RAB5C: variants seen among roughly 807,000 people sequenced by gnomAD.
The protein encoded by RAB5C is RAB5C, member RAS oncogene family.
In RAB5C, 4 loss-of-function variants were observed where a neutral mutation model predicts 25.2. The observed-to-expected ratio is 0.16, with a 90% confidence interval of 0.08 to 0.36. The LOEUF is 0.36. RAB5C is among the 10% of genes least tolerant of loss of function. The pLI, the probability that RAB5C is intolerant of heterozygous loss-of-function variation, is 1.00. For missense variants in RAB5C, 199 were observed against 283.8 expected (o/e 0.70, Z 2.15); for synonymous variants, 100 against 106.4 (o/e 0.94, Z 0.37).
chr17:42,126,238 T>C (rs886253886), intron 5 of RAB5C, among the ~76,000 whole-genome samples: 5 of 151,984 alleles, frequency 3.3e-5, no homozygotes, highest in African/African-American at 1.2e-4. Flanking sequence ...GAGTGAAATG[T>C]TGAGACTCTG....
intron 1 of RAB5C, among the ~76,000 whole-genome samples, chr17:42,136,075 GCAAAA>G (rs1406611188): frequency 6.6e-6 from 1 of 152,100 alleles, no homozygotes. Context: ...CAAGAGTCCA[GCAAAA>G]CAAAACAAAA....
chr17:42,140,507 ATATATATATTTTTTTTTT>A (rs1422133486), intron 1 of RAB5C, among the ~76,000 whole-genome samples: 70 of 40,776 alleles, frequency 1.7e-3, no homozygotes, highest in African/African-American at 0.011. Flanking sequence ...ATATATATAT[ATATATATATTTTTTTTTT>A]TTTTTTTTTT....
intron 1 of RAB5C, among the ~76,000 whole-genome samples, chr17:42,144,590 G>A (rs2079620922): frequency 6.6e-6 from 1 of 152,012 alleles, no homozygotes; most frequent in Admixed American, 6.6e-5. Context: ...GAAACGGGTG[G>A]ATCACGAGGT....
At chr17:42,129,568 T>C (rs540412907) in intron 2 of RAB5C, among the ~76,000 whole-genome samples, 2 of 152,246 alleles carry the variant, frequency 1.3e-5, no homozygotes, top group East Asian at 3.9e-4. Flanking sequence ...AGGACAGCCA[T>C]GTGTAGAAGG....
chr17:42,133,923 C>T (rs1379703105), intron 1 of RAB5C, among the ~76,000 whole-genome samples: 1 of 152,202 alleles, frequency 6.6e-6, no homozygotes, highest in African/African-American at 2.4e-5. Flanking sequence ...CATGAACTAG[C>T]TGGTGACATG....
intron 4 of RAB5C, among the ~76,000 whole-genome samples, chr17:42,127,866 G>T (rs2144060927): frequency 6.8e-6 from 1 of 147,110 alleles, no homozygotes; most frequent in Admixed American, 6.9e-5. Context: ...CCTCACTCTT[G>T]CTCAGGCTGG....
chr17:42,128,547 G>T, intron 3 of RAB5C, 102 bp downstream of exon 3: 1 of 1,295,430 alleles, frequency 7.7e-7, no homozygotes, highest in Non-Finnish European at 1.0e-6. Context: ...CCCCCACCCA[G>T]GAACAGAGGG....
chr17:42,153,055 A>G (rs1468116046), intron 1 of RAB5C, among the ~76,000 whole-genome samples: 1 of 152,210 alleles, frequency 6.6e-6, no homozygotes, highest in African/African-American at 2.4e-5. Flanking sequence ...GAACCCACAC[A>G]GATACAGAGC....
chr17:42,125,621 C>G lies in RAB5C; in HGVS notation c.*162G>C, dbSNP rs910708742. Reference sequence around the variant, plus strand: ...GTACAGAAAGGTGCAGGTGGAATGACTCACTCCGGCCTATGATCAAAATTA... The same window carrying G: ...GTACAGAAAGGTGCAGGTGGAATGAGTCACTCCGGCCTATGATCAAAATTA... On this transcript the variant is annotated 3_prime_UTR_variant, in exon 6 of 6. Transcript: ENST00000346213. 4.2e-5 allele frequency: 25 copies of G among 590,248 alleles called. 1 individual carries two copies. The highest frequency in any genetic ancestry group is 1.8e-4 in the Admixed American group (6 of 33,494). 36.6% of individuals were successfully genotyped at this position (590,248 alleles called of 1,614,324 possible).
At position 42,125,389 on chromosome 17, in the gene RAB5C, T is replaced by C. The variant is rs1171086459; in HGVS notation, c.*394A>G. On this transcript the variant is annotated 3_prime_UTR_variant, in exon 6 of 6. Transcript: ENST00000346213. ...GAACAAAGTGAGGATGTGGATGCTCTTGCTGGGTCCGCTGTTCCGCAGGAG... is the reference window on the plus strand; with the variant it reads ...GAACAAAGTGAGGATGTGGATGCTCCTGCTGGGTCCGCTGTTCCGCAGGAG... 2 of 164,436 alleles carry C rather than the reference T, an allele frequency of 1.2e-5. No individual in the cohort carries two copies. The highest frequency in any genetic ancestry group is 4.8e-5 in the African/African-American group (2 of 41,646). 10.2% of individuals were successfully genotyped at this position (164,436 alleles called of 1,614,324 possible). A position where few individuals can be genotyped will look rare whatever the true frequency, so the allele number is the denominator to read the frequency against.
chr17:42,125,781 G>C lies in RAB5C; in HGVS notation c.*2C>G, dbSNP rs782376759. The C allele has an allele frequency of 6.3e-7, 1 of 1,595,538 alleles. No individual in the cohort carries two copies. Among genetic ancestry groups the C allele is most frequent in the Admixed American group, 1.7e-5 (1 of 57,660 alleles). ...CGGGGGCAGCGGGCAGGCAAGGGGG[G>C]CTCAGTTGCTGCAGCACTGGCTCCG... is the stretch of plus-strand genomic sequence containing the variant. On this transcript the variant is annotated 3_prime_UTR_variant, in exon 6 of 6. Transcript: ENST00000346213.
At chr17:42,128,441 C>A (rs2054450857) in intron 3 of RAB5C, 58 bp from the exon 4 acceptor site, 1 of 1,555,520 alleles carries the variant, frequency 6.4e-7, no homozygotes. Context: ...CCCAGGGCCA[C>A]CCATTAGAGA....
At chr17:42,130,705 C>A in intron 1 of RAB5C, 115 bp from the exon 2 acceptor site, 1 of 1,318,322 alleles carries the variant, frequency 7.6e-7, no homozygotes, top group Non-Finnish European at 1.0e-6. Context: ...TGACTGCTTC[C>A]CCTCACCTCA....
At chr17:42,150,486 G>C (rs1226268211) in intron 1 of RAB5C, among the ~76,000 whole-genome samples, 1 of 136,510 alleles carries the variant, frequency 7.3e-6, no homozygotes, top group Non-Finnish European at 1.5e-5. Context: ...AGAGGTTGCA[G>C]TGAGCCAAGA....
At chr17:42,133,701 T>C (rs966134719) in intron 1 of RAB5C, among the ~76,000 whole-genome samples, 17 of 152,204 alleles carry the variant, frequency 1.1e-4, no homozygotes, top group Non-Finnish European at 2.2e-4. Flanking sequence ...TCTGAATCAC[T>C]TTGTAGAAGC....
chr17:42,150,032 G>C (rs575476716), intron 1 of RAB5C, among the ~76,000 whole-genome samples: 112 of 152,122 alleles, frequency 7.4e-4, no homozygotes, highest in African/African-American at 2.7e-3. Flanking sequence ...TTACAGGCAT[G>C]TGCCACCACG....
At chr17:42,143,790 A>AT (rs910668881) in intron 1 of RAB5C, among the ~76,000 whole-genome samples, 1 of 152,068 alleles carries the variant, frequency 6.6e-6, no homozygotes, top group African/African-American at 2.4e-5. Flanking sequence ...TGGATTATTT[A>AT]TTTATTTATT....
intron 5 of RAB5C, 80 bp from the exon 6 acceptor site, chr17:42,125,978 T>G: frequency 2.9e-6 from 3 of 1,046,970 alleles, no homozygotes; most frequent in Non-Finnish European, 4.3e-6. Context: ...ATTCTGGCCT[T>G]TATACCCAAT....
chr17:42,131,378 C>T lies in RAB5C; in HGVS notation c.-88-788G>A, dbSNP rs962559947. On this transcript the variant is annotated intron_variant, in intron 1 of 5. Transcript: ENST00000346213. ...AACAAACACATAGTAAAACACACAC[C>T]GATACACACACACAAACACACACAG... 2.6e-5 allele frequency among the ~76,000 whole-genome samples: 4 copies of T among 151,634 alleles called. No homozygotes were observed. The South Asian group carries it at 6.3e-4, about 24-fold the overall frequency.
Sources: allele counts gnomAD v4.1 joint callset (sites outside exome capture counted in the v4.1 genomes callset), GRCh38; gene constraint gnomAD v4.1.1; transcripts MANE v1.5; gene names NCBI Gene and HGNC (gene_info 2026-07-23, HGNC 2026-07-21).